The following MBD5 variants were observed in gnomAD, a reference collection of about 807,000 sequenced individuals.
MBD5 encodes the protein methyl-CpG-binding domain protein 5.
A neutral mutation model predicts 117.3 loss-of-function variants in MBD5; 13 were observed. The observed-to-expected ratio is 0.11, with a 90% CI of 0.07 to 0.18. The LOEUF (loss-of-function observed/expected upper bound fraction) is 0.18. MBD5 is among the 10% of genes least tolerant of loss of function. The pLI is 1.00. For synonymous variants in MBD5, 727 were observed against 766.4 expected (o/e 0.95, Z 0.85); for missense variants, 1,879 against 2,093.8 (o/e 0.90, Z 2.00).
chr2:148,468,450 G>T lies in MBD5; in HGVS notation c.507G>T (p.Lys169Asn), dbSNP rs184335680. 6.2e-7 allele frequency: 1 copy of T among 1,613,762 alleles called. No homozygotes were observed. Among genetic ancestry groups the T allele is most frequent in the Admixed American group, 1.7e-5 (1 of 59,990 alleles). Reference sequence around the variant, plus strand: ...TGCCTGAATGTAAGAATCCTTTCAAGTTAATGATTGGATCATCAAATGCCA... The same window carrying T: ...TGCCTGAATGTAAGAATCCTTTCAATTTAATGATTGGATCATCAAATGCCA... ...SVMPECKNPF[K>N]LMIGSSNAMG... The change falls in exon 8 of 14, where the codon AAG (lysine) becomes AAT (asparagine). Residue 169 changes from lysine to asparagine, a missense_variant. Coordinates refer to ENST00000642680, the MANE Select transcript of MBD5 (RefSeq NM_001378120.1).
intron 1 of MBD5, among the ~76,000 whole-genome samples, chr2:148,022,743 T>C (rs182078058): frequency 7.9e-4 from 120 of 152,352 alleles, no homozygotes; most frequent in African/African-American, 2.8e-3. Flanking sequence ...TTCTAAAATA[T>C]GTTTTCATGA....
At chr2:148,272,285 A>G (rs1169099389) in intron 3 of MBD5, among the ~76,000 whole-genome samples, 1 of 152,182 alleles carries the variant, frequency 6.6e-6, no homozygotes, top group Non-Finnish European at 1.5e-5. Flanking sequence ...AGACTATTTC[A>G]TTTCCTCTGG....
intron 4 of MBD5, among the ~76,000 whole-genome samples, chr2:148,369,586 A>G (rs1023783511): frequency 6.6e-6 from 1 of 152,174 alleles, no homozygotes; most frequent in East Asian, 1.9e-4. Flanking sequence ...ATAAAGAGTT[A>G]CAAGAGTCCC....
rs909416053 is a variant in MBD5 at position 148,516,593 on chromosome 2, T to C, written c.*3652T>C. On this transcript the variant is annotated 3_prime_UTR_variant, in exon 14 of 14. Transcript: ENST00000642680. ...GAGATAAGAACATTAGTAATTCATATGTGTAAACAACCCAGAAGTGAATAT... is the reference window on the plus strand; with the variant it reads ...GAGATAAGAACATTAGTAATTCATACGTGTAAACAACCCAGAAGTGAATAT... The C allele has an allele frequency of 3.9e-5, 6 of 152,330 alleles. No individual in the cohort carries two copies. Among genetic ancestry groups the C allele is most frequent in the South Asian group, 2.1e-4 (1 of 4,832 alleles). 9.4% of individuals were successfully genotyped at this position (152,330 alleles called of 1,614,324 possible).
intron 4 of MBD5, among the ~76,000 whole-genome samples, chr2:148,423,580 C>A (rs1397537734): frequency 1.3e-5 from 2 of 152,090 alleles, no homozygotes; most frequent in African/African-American, 2.4e-5. Flanking sequence ...GAACCGATAC[C>A]AGCCACTGCA....
At chr2:148,484,579 A>C (rs1424972048) in intron 9 of MBD5, among the ~76,000 whole-genome samples, 1 of 152,218 alleles carries the variant, frequency 6.6e-6, no homozygotes, top group African/African-American at 2.4e-5. Context: ...TGAACCCTAA[A>C]TAAACAAAAC....
Position 148,325,672 on chromosome 2 carries a change from G to A in MBD5, c.-679-16542G>A, listed in dbSNP as rs1223698768. Among the ~76,000 whole-genome samples the A allele has an allele frequency of 5.3e-5, 8 of 152,042 alleles. No individual in the cohort carries two copies. The South Asian group carries it at 1.2e-3, about 24-fold the overall frequency. ...TAGTAGTTTGTATTTCTGTGGGATC[G>A]GTGGTGATATCCCCTTTATCATTTT... On this transcript the variant is annotated intron_variant, in intron 3 of 13. Coordinates refer to ENST00000642680, the MANE Select transcript of MBD5 (RefSeq NM_001378120.1).
At chr2:148,165,598 G>A (rs975150779) in intron 1 of MBD5, among the ~76,000 whole-genome samples, 18 of 151,902 alleles carry the variant, frequency 1.2e-4, no homozygotes, top group Admixed American at 2.0e-4. Flanking sequence ...TGAACCCATC[G>A]TACTAAGATT....
intron 3 of MBD5, among the ~76,000 whole-genome samples, chr2:148,266,774 T>C (rs1173788963): frequency 1.3e-5 from 2 of 152,260 alleles, no homozygotes; most frequent in East Asian, 1.9e-4. Flanking sequence ...CAGGCACTTA[T>C]AAACAATTTA....
At chr2:148,164,632 G>A (rs1029518671) in intron 1 of MBD5, among the ~76,000 whole-genome samples, 6 of 151,786 alleles carry the variant, frequency 4.0e-5, no homozygotes, top group Non-Finnish European at 2.9e-5. Context: ...GACGTTTTTA[G>A]GACCAGGCAT....
intron 11 of MBD5, among the ~76,000 whole-genome samples, chr2:148,496,847 G>A (rs1681718080): frequency 6.6e-6 from 1 of 152,110 alleles, no homozygotes; most frequent in African/African-American, 2.4e-5. Context: ...AAAAAATTGG[G>A]ATTCATTTAA....
chr2:148,353,922 C>G (rs781378469), intron 4 of MBD5, among the ~76,000 whole-genome samples: 6 of 151,970 alleles, frequency 3.9e-5, no homozygotes, highest in Non-Finnish European at 8.8e-5. Context: ...TCTGTTGTAA[C>G]TATAATACCT....
chr2:148,495,103 T>A (rs1169267488), intron 11 of MBD5, among the ~76,000 whole-genome samples: 1 of 152,228 alleles, frequency 6.6e-6, no homozygotes, highest in African/African-American at 2.4e-5. Flanking sequence ...GAATAAGACC[T>A]CAGTGCTGTG....
intron 4 of MBD5, among the ~76,000 whole-genome samples, chr2:148,344,977 G>A (rs1346140119): frequency 6.6e-6 from 1 of 151,778 alleles, no homozygotes; most frequent in African/African-American, 2.4e-5. Flanking sequence ...ATAACCTAAG[G>A]AAAGACTTAT....
intron 3 of MBD5, chr2:148,264,922 C>G (rs990172095): frequency 6.6e-6 from 1 of 152,132 alleles, no homozygotes; most frequent in African/African-American, 2.4e-5. Context: ...TAACAAAGGT[C>G]ACATGACTGA....
intron 3 of MBD5, among the ~76,000 whole-genome samples, chr2:148,288,628 G>A (rs1272175319): frequency 6.6e-6 from 1 of 151,602 alleles, no homozygotes; most frequent in East Asian, 1.9e-4. Context: ...ACATACCAAG[G>A]GAAAAAAGCC....
intron 3 of MBD5, among the ~76,000 whole-genome samples, chr2:148,300,254 T>C (rs1278502686): frequency 2.0e-5 from 3 of 152,118 alleles, no homozygotes; most frequent in Admixed American, 2.0e-4. Flanking sequence ...CAGGGTTTCA[T>C]CATGTTGGCC....
At chr2:148,255,630 C>G (rs1700570527) in intron 3 of MBD5, among the ~76,000 whole-genome samples, 1 of 152,196 alleles carries the variant, frequency 6.6e-6, no homozygotes, top group Admixed American at 6.5e-5. Context: ...TAGTGTGTAT[C>G]TACAACTGAA....
At chr2:148,217,569 A>G (rs1699586634) in intron 2 of MBD5, among the ~76,000 whole-genome samples, 1 of 152,174 alleles carries the variant, frequency 6.6e-6, no homozygotes, top group South Asian at 2.1e-4. Context: ...GTAGGTGGCC[A>G]TGTTTTCATA....
Sources: gnomAD v4.1 joint callset for allele counts (sites outside exome capture counted in the v4.1 genomes callset) on GRCh38, gnomAD v4.1.1 for gene constraint, MANE v1.5 for transcripts, NCBI Gene and HGNC (gene_info 2026-07-23, HGNC 2026-07-21) for gene names.